ATP8A1: variants seen among roughly 807,000 people sequenced by gnomAD.
The protein encoded by ATP8A1 is ATPase phospholipid transporting 8A1.
ATP8A1 carries 90 observed loss-of-function variants against 177.7 expected under a neutral mutation model. That is an observed-to-expected ratio of 0.51 (90% CI 0.43 to 0.60). The LOEUF (loss-of-function observed/expected upper bound fraction) is 0.60. Ranked by LOEUF, ATP8A1 falls within the 20% of genes least tolerant of loss-of-function variation. The probability of loss-of-function intolerance (pLI) is 0.00; values close to 1 mark genes in which losing one functional copy is unlikely to be tolerated. For missense variants in ATP8A1, 1,072 were observed against 1,392.8 expected, an observed-to-expected ratio of 0.77 and a Z score of 3.67; for synonymous variants, 493 against 485.9, an observed-to-expected ratio of 1.01 and a Z score of -0.19.
chr4:42,505,586 G>A (rs79265229), intron 23 of ATP8A1, among the ~76,000 whole-genome samples: 10,332 of 152,030 alleles, frequency 0.068, 1,146 homozygotes, highest in African/African-American at 0.23. Flanking sequence ...AACAACTTGT[G>A]TGGTTTGTAA....
intron 1 of ATP8A1, among the ~76,000 whole-genome samples, chr4:42,643,842 A>C (rs1158966265): frequency 6.6e-6 from 1 of 152,216 alleles, no homozygotes; most frequent in Non-Finnish European, 1.5e-5. Flanking sequence ...CACAGCTTTG[A>C]AGGGCCAGAA....
At chr4:42,497,996 A>G (rs1723455389) in intron 24 of ATP8A1, among the ~76,000 whole-genome samples, 1 of 152,208 alleles carries the variant, frequency 6.6e-6, no homozygotes, top group South Asian at 2.1e-4. Context: ...TTAAAATTTC[A>G]AGCCAAAAAG....
chr4:42,647,962 A>G (rs75317988), intron 1 of ATP8A1, among the ~76,000 whole-genome samples: 11,072 of 152,266 alleles, frequency 0.073, 767 homozygotes, highest in African/African-American at 0.18. Flanking sequence ...ATTTAAAAAT[A>G]CTTTGCTTTA....
chr4:42,430,492 T>TTC (rs556427633), intron 33 of ATP8A1, among the ~76,000 whole-genome samples: 26 of 151,904 alleles, frequency 1.7e-4, no homozygotes, highest in South Asian at 1.5e-3. Context: ...TTTTTTTTTT[T>TTC]CTCCAACTTT....
At chr4:42,501,360 C>G (rs1211891437) in intron 24 of ATP8A1, among the ~76,000 whole-genome samples, 1 of 152,190 alleles carries the variant, frequency 6.6e-6, no homozygotes, top group East Asian at 1.9e-4. Flanking sequence ...ATTCTCCTTA[C>G]TTTGTAGGCA....
chr4:42,607,161 C>T lies in ATP8A1; in HGVS notation c.410-6643G>A, dbSNP rs183874072. Among the ~76,000 whole-genome samples, 53 of 152,230 alleles carry T rather than the reference C, an allele frequency of 3.5e-4. 2 individuals are homozygous for T. The East Asian group carries it at 7.7e-3, about 22-fold the overall frequency. ...GCTGCATCTGCAGTGCTGGTAGGCT[C>T]CCTAGAAATGAGGACGTACTTCTAC... On this transcript the variant is annotated intron_variant, in intron 5 of 36. Transcript: ENST00000381668.
intron 33 of ATP8A1, among the ~76,000 whole-genome samples, chr4:42,427,097 A>G (rs1375180274): frequency 1.3e-5 from 2 of 152,246 alleles, no homozygotes; most frequent in African/African-American, 4.8e-5. Context: ...ATTATTTATT[A>G]AGTGTCTGGA....
intron 30 of ATP8A1, among the ~76,000 whole-genome samples, chr4:42,451,004 C>T (rs1717872617): frequency 2.0e-5 from 3 of 152,166 alleles, no homozygotes; most frequent in Admixed American, 2.0e-4. Flanking sequence ...GAGCACAGAC[C>T]TGAGGCATCG....
intron 25 of ATP8A1, among the ~76,000 whole-genome samples, chr4:42,468,400 A>G (rs1720022370): frequency 6.6e-6 from 1 of 150,726 alleles, no homozygotes; most frequent in South Asian, 2.1e-4. Flanking sequence ...GTGTGTATAT[A>G]TTTTATATAT....
intron 6 of ATP8A1, 142 bp downstream of exon 6, chr4:42,600,336 T>G (rs1052994003): frequency 2.1e-6 from 1 of 482,534 alleles, no homozygotes. Context: ...TGACTGAAGA[T>G]GCCATGCATG....
intron 12 of ATP8A1, among the ~76,000 whole-genome samples, chr4:42,576,475 C>CAAAAA (rs1159794343): frequency 0.015 from 477 of 32,430 alleles, 45 homozygotes; most frequent in Non-Finnish European, 0.018. Context: ...GACGCCGTCT[C>CAAAAA]AAAAAAAAAA....
At chr4:42,574,773 C>A (rs1732268300) in intron 13 of ATP8A1, 66 bp from the exon 14 acceptor site, 3 of 1,092,252 alleles carry the variant, frequency 2.7e-6, no homozygotes, top group East Asian at 2.6e-5. Flanking sequence ...TACAGAGAAA[C>A]CCCTCATGCT....
intron 15 of ATP8A1, chr4:42,561,957 T>A (rs1730882323): frequency 6.6e-6 from 1 of 152,228 alleles, no homozygotes; most frequent in African/African-American, 2.4e-5. Flanking sequence ...AATGATGATC[T>A]AATGGTGGGT....
At chr4:42,501,230 C>G (rs1193305567) in intron 24 of ATP8A1, among the ~76,000 whole-genome samples, 1 of 152,200 alleles carries the variant, frequency 6.6e-6, no homozygotes, top group African/African-American at 2.4e-5. Context: ...AAAATGATCA[C>G]TATGCAAAAC....
chr4:42,636,957 C>T (rs1275631605), intron 1 of ATP8A1, among the ~76,000 whole-genome samples: 1 of 152,180 alleles, frequency 6.6e-6, no homozygotes, highest in African/African-American at 2.4e-5. Context: ...TCATGTGATT[C>T]CAGGAGCTAC....
At chr4:42,448,003 T>C (rs1054281064) in intron 30 of ATP8A1, among the ~76,000 whole-genome samples, 4 of 152,172 alleles carry the variant, frequency 2.6e-5, no homozygotes, top group Non-Finnish European at 4.4e-5. Context: ...TTATTGAGGG[T>C]CTCAAAAAGT....
chr4:42,613,354 A>G (rs1180098362), intron 5 of ATP8A1, among the ~76,000 whole-genome samples: 2 of 145,606 alleles, frequency 1.4e-5, no homozygotes, highest in African/African-American at 5.1e-5. Context: ...CTCAATATCC[A>G]TGAGGGATTA....
intron 31 of ATP8A1, 115 bp downstream of exon 31, chr4:42,446,468 G>T: frequency 9.4e-7 from 1 of 1,059,806 alleles, no homozygotes; most frequent in Non-Finnish European, 1.4e-6. Flanking sequence ...AAAGGGAACC[G>T]TAAACAACCC....
chr4:42,602,674 C>T (rs1735409345), intron 5 of ATP8A1, among the ~76,000 whole-genome samples: 1 of 152,124 alleles, frequency 6.6e-6, no homozygotes. Context: ...GAGGCTGAGA[C>T]AGGAGAATGG....
Sources: gnomAD v4.1 joint callset for allele counts (sites outside exome capture counted in the v4.1 genomes callset) on GRCh38, gnomAD v4.1.1 for gene constraint, MANE v1.5 for transcripts, NCBI Gene and HGNC (gene_info 2026-07-23, HGNC 2026-07-21) for gene names.